Variants in MAP3K1 observed in about 807,000 individuals in gnomAD.
The protein encoded by MAP3K1 is MAP/ERK kinase kinase 1.
A neutral mutation model predicts 144.2 loss-of-function variants in MAP3K1; 36 were observed. The observed-to-expected ratio is 0.25, with a 90% confidence interval of 0.19 to 0.33. The LOEUF is 0.33. Ranked by LOEUF, MAP3K1 falls within the 10% of genes least tolerant of loss-of-function variation. The pLI, the probability that MAP3K1 is intolerant of heterozygous loss-of-function variation, is 1.00. For synonymous variants in MAP3K1, 718 were observed against 688.7 expected, an observed-to-expected ratio of 1.04 and a Z score of -0.67; for missense variants, 1,650 against 1,881.9, an observed-to-expected ratio of 0.88 and a Z score of 2.28.
At chr5:56,875,423 A>G in intron 10 of MAP3K1, 113 bp downstream of exon 10, 3 of 1,118,518 alleles carry the variant, frequency 2.7e-6, no homozygotes, top group Non-Finnish European at 3.9e-6. Context: ...TGGAAAATCC[A>G]AATTTTATTT....
In MAP3K1 at chr5:56,865,306, T is replaced by C. The variant is rs1386446560; in HGVS notation, c.1036-34T>C. On this transcript the variant is annotated intron_variant, in intron 4 of 19. Coordinates refer to ENST00000399503, the MANE Select transcript of MAP3K1 (RefSeq NM_005921.2). ...TAGAAGTTCTTGTGAACCACAGATG[T>C]ATTAACCTATAGGTTTTCTTTTTAA... 8.4e-6 allele frequency: 10 copies of C among 1,191,336 alleles called. No individual in the cohort carries two copies. In the Admixed American group the frequency reaches 1.5e-4, roughly 18 times the overall value. 73.8% of individuals were successfully genotyped at this position (1,191,336 alleles called of 1,614,324 possible). A position where few individuals can be genotyped will look rare whatever the true frequency, so the allele number is the denominator to read the frequency against.
chr5:56,851,231 C>A lies in MAP3K1; in HGVS notation c.483-5369C>A, dbSNP rs181986899. On this transcript the variant is annotated intron_variant, in intron 1 of 19. Coordinates refer to ENST00000399503, the MANE Select transcript of MAP3K1 (RefSeq NM_005921.2). ...AAAGTGCTGGGATTACAGGCATGAG[C>A]CACCGTGCCCGGCCAGGATTCTATT... Among the ~76,000 whole-genome samples the A allele has an allele frequency of 2.1e-4, 32 of 152,290 alleles. 1 individual carries two copies. The East Asian group carries it at 6.2e-3, about 29-fold the overall frequency.
rs1748123443 is a variant in MAP3K1 at position 56,879,068 on chromosome 5, A to T, written c.2054A>T (p.Asp685Val). The change falls in exon 11 of 20, where the codon GAC becomes GTC. Residue 685 changes from aspartate (D) to valine (V), a missense_variant. Asp to Val is a radical substitution (Grantham distance 152). Around this residue, in one of 6 missense-constraint regions of MAP3K1, gnomAD observed 841 missense variants for 886.5 expected, o/e 0.95. Coordinates refer to ENST00000399503, the MANE Select transcript of MAP3K1 (RefSeq NM_005921.2). ...CAGAGACTTCTCCAGCCAGTTGTAGACACCATCCTAGTCAAATGTGCAGAT... is the reference window on the plus strand; with the variant it reads ...CAGAGACTTCTCCAGCCAGTTGTAGTCACCATCCTAGTCAAATGTGCAGAT... ...KLQRLLQPVV[D>V]TILVKCADAN... 1 of 1,613,850 alleles carries T rather than the reference A, an allele frequency of 6.2e-7. No homozygotes were observed. The highest frequency in any genetic ancestry group is 8.5e-7 in the Non-Finnish European group (1 of 1,179,872).
At chr5:56,879,381 C>T (rs552265759) in intron 11 of MAP3K1, among the ~76,000 whole-genome samples, 12 of 152,154 alleles carry the variant, frequency 7.9e-5, no homozygotes, top group South Asian at 6.2e-4. Flanking sequence ...GAAGACCAGT[C>T]GATAAGAACA....
At chr5:56,881,416 C>A in intron 13 of MAP3K1, 144 bp downstream of exon 13, 1 of 981,634 alleles carries the variant, frequency 1.0e-6, no homozygotes, top group South Asian at 1.4e-5. Flanking sequence ...ATATGAAAAC[C>A]CAAAGTCTGG....
intron 1 of MAP3K1, among the ~76,000 whole-genome samples, chr5:56,831,577 AC>A (rs1292832212): frequency 2.0e-5 from 3 of 152,222 alleles, no homozygotes; most frequent in African/African-American, 7.2e-5. Context: ...ATTGAAACTT[AC>A]ACATTTATTA....
At chr5:56,831,333 A>G (rs933648771) in intron 1 of MAP3K1, among the ~76,000 whole-genome samples, 1 of 151,996 alleles carries the variant, frequency 6.6e-6, no homozygotes, top group Non-Finnish European at 1.5e-5. Context: ...AATGGGAGGG[A>G]GAGCAGGGGG....
intron 1 of MAP3K1, among the ~76,000 whole-genome samples, chr5:56,833,163 C>T (rs912647112): frequency 6.6e-6 from 1 of 152,250 alleles, no homozygotes; most frequent in Non-Finnish European, 1.5e-5. Context: ...AGCCACCATG[C>T]TCTGCCATGA....
intron 1 of MAP3K1, among the ~76,000 whole-genome samples, chr5:56,842,598 C>T (rs964500909): frequency 6.6e-6 from 1 of 152,146 alleles, no homozygotes; most frequent in Non-Finnish European, 1.5e-5. Context: ...GCAAGTACTT[C>T]ATCCATGTTC....
At chr5:56,842,072 A>G (rs1746831099) in intron 1 of MAP3K1, 2 of 152,174 alleles carry the variant, frequency 1.3e-5, no homozygotes, top group Admixed American at 1.3e-4. Flanking sequence ...TTGGATGTGT[A>G]TTTTTTAAAG....
chr5:56,891,843 G>GTAGA (rs1378003131), intron 19 of MAP3K1, among the ~76,000 whole-genome samples: 2 of 152,156 alleles, frequency 1.3e-5, no homozygotes, highest in Admixed American at 1.3e-4. Context: ...TCAGATGGTT[G>GTAGA]TAGATGTGTG....
rs1047286870 is a variant in MAP3K1, at chr5:56,877,174, A to G, written c.1966-1806A>G. ...CCAGCATACTATAGAATAAAGACCA[A>G]TTGGCCCAATATTTTGCCTCTTACT... is the stretch of plus-strand genomic sequence containing the variant. On this transcript the variant is annotated intron_variant, in intron 10 of 19. Coordinates refer to ENST00000399503, the MANE Select transcript of MAP3K1 (RefSeq NM_005921.2). Among the ~76,000 whole-genome samples the G allele has an allele frequency of 2.6e-5, 4 of 152,208 alleles. No homozygotes were observed. In the East Asian group the frequency reaches 7.7e-4, roughly 29 times the overall value.
rs546116008 is a variant in MAP3K1 at position 56,844,056 on chromosome 5, A to T, written c.483-12544A>T. ...CTTTTTCCCCTTGGAGATTAATGAC[A>T]CATGTAGGTCTTATTAGAGGCTCTG... On this transcript the variant is annotated intron_variant, in intron 1 of 19. Coordinates refer to ENST00000399503, the MANE Select transcript of MAP3K1 (RefSeq NM_005921.2). Among the ~76,000 whole-genome samples the T allele has an allele frequency of 1.2e-3, 183 of 152,178 alleles. 6 individuals carry two copies. In the South Asian group the frequency reaches 0.028, roughly 23 times the overall value.
At chr5:56,874,110 A>G (rs117295169) in intron 9 of MAP3K1, among the ~76,000 whole-genome samples, 29 of 152,216 alleles carry the variant, frequency 1.9e-4, no homozygotes, top group Admixed American at 1.1e-3. Flanking sequence ...GTAGTGGTAC[A>G]CTACTTAACA....
At chr5:56,886,907 G>A (rs1748394264) in intron 17 of MAP3K1, among the ~76,000 whole-genome samples, 1 of 151,952 alleles carries the variant, frequency 6.6e-6, no homozygotes, top group South Asian at 2.1e-4. Context: ...CAACAGGTGT[G>A]CACCACCATG....
At chr5:56,823,628 T>C (rs1481967637) in intron 1 of MAP3K1, among the ~76,000 whole-genome samples, 1 of 152,208 alleles carries the variant, frequency 6.6e-6, no homozygotes, top group Non-Finnish European at 1.5e-5. Context: ...TTTTCCTGTT[T>C]AGTCAGACGT....
chr5:56,859,963 T>G, intron 3 of MAP3K1, 48 bp downstream of exon 3: 1 of 1,448,954 alleles, frequency 6.9e-7, no homozygotes, highest in Non-Finnish European at 9.5e-7. Context: ...ATTTTTAGCT[T>G]CATTTATAAC....
chr5:56,845,966 A>G (rs1746981874), intron 1 of MAP3K1, among the ~76,000 whole-genome samples: 1 of 152,216 alleles, frequency 6.6e-6, no homozygotes, highest in Admixed American at 6.5e-5. Flanking sequence ...AGATAGGTGA[A>G]AGAGTCCTAG....
chr5:56,865,113 TAATA>T (rs1211822944), intron 4 of MAP3K1, among the ~76,000 whole-genome samples, 179 bp downstream of exon 4: 1 of 152,194 alleles, frequency 6.6e-6, no homozygotes, highest in Non-Finnish European at 1.5e-5. Flanking sequence ...TTTACTATCT[TAATA>T]TACCATAGAA....
Sources: gnomAD v4.1 joint callset for allele counts (sites outside exome capture counted in the v4.1 genomes callset) on GRCh38, gnomAD v4.1.1 for gene constraint, gnomAD v4.1.1 regional missense constraint, MANE v1.5 for transcripts, NCBI Gene and HGNC (gene_info 2026-07-23, HGNC 2026-07-21) for gene names.